SLC24A2: variants seen among roughly 807,000 people sequenced by gnomAD.
SLC24A2 encodes the protein sodium/potassium/calcium exchanger 2.
Under a neutral mutation model 62.0 loss-of-function variants are expected in SLC24A2, and 36 were observed. The observed-to-expected ratio is 0.58, with a 90% confidence interval of 0.44 to 0.77. SLC24A2 has a LOEUF of 0.77. SLC24A2 is among the 30% of genes least tolerant of loss of function. The pLI is 0.00. For missense variants in SLC24A2, 846 were observed against 817.9 expected (o/e 1.03, Z -0.42); for synonymous variants, 358 against 294.0 (o/e 1.22, Z -2.23).
chr9:20,005,108 AG>A, the SLC24A2 span, among the ~76,000 whole-genome samples: 1 of 152,324 alleles, frequency 6.6e-6, no homozygotes, highest in South Asian at 2.1e-4. Flanking sequence ...ATCCATAGAA[AG>A]GAGGGTGTCT....
At chr9:20,043,776 G>C in the SLC24A2 span, among the ~76,000 whole-genome samples, 5 of 152,322 alleles carry the variant, frequency 3.3e-5, no homozygotes, top group East Asian at 9.6e-4. Flanking sequence ...GATGCAATAT[G>C]CTTCTGATGA....
rs150104445 is a variant in SLC24A2 at position 19,756,988 on chromosome 9, T to C, written c.930+28949A>G. Among the ~76,000 whole-genome samples, 839 of 143,104 alleles carry C rather than the reference T, an allele frequency of 5.9e-3. 6 individuals carry two copies. Among genetic ancestry groups the C allele is most frequent in the African/African-American group, 0.019 (742 of 39,256 alleles). 93.9% of individuals were successfully genotyped at this position (143,104 alleles called of 152,430 possible). On this transcript the variant is annotated intron_variant, in intron 2 of 10. Transcript: ENST00000341998. ...TAAGTGGCACCATCATTACTCACTGTAGCCTCAAACTCCTGGGCTCAGGCA... is the reference window on the plus strand; with the variant it reads ...TAAGTGGCACCATCATTACTCACTGCAGCCTCAAACTCCTGGGCTCAGGCA...
At chr9:20,086,023 C>T in the SLC24A2 span, among the ~76,000 whole-genome samples, 1 of 152,198 alleles carries the variant, frequency 6.6e-6, no homozygotes, top group South Asian at 2.1e-4. Context: ...GCAAATTGCA[C>T]ACTGCTTATC....
the SLC24A2 span, among the ~76,000 whole-genome samples, chr9:20,025,520 G>C: frequency 6.6e-6 from 1 of 152,022 alleles, no homozygotes; most frequent in East Asian, 1.9e-4. Flanking sequence ...CCTGCTCCCT[G>C]GTAGTAATAA....
chr9:20,007,036 G>A, the SLC24A2 span, among the ~76,000 whole-genome samples: 14 of 152,272 alleles, frequency 9.2e-5, no homozygotes, highest in African/African-American at 3.4e-4. Context: ...TACTGTGGGT[G>A]TTGCTTTCTC....
At chr9:19,998,187 G>A in the SLC24A2 span, among the ~76,000 whole-genome samples, 1 of 152,068 alleles carries the variant, frequency 6.6e-6, no homozygotes, top group African/African-American at 2.4e-5. Flanking sequence ...TTTAGAGATG[G>A]GAGATTGAGA....
chr9:20,074,636 A>AGGGG, the SLC24A2 span, among the ~76,000 whole-genome samples: 1 of 59,738 alleles, frequency 1.7e-5, no homozygotes. Flanking sequence ...GGAGGGAGGG[A>AGGGG]CGGGAAGGGG....
chr9:19,690,292 A>C (rs573703193), intron 2 of SLC24A2, among the ~76,000 whole-genome samples: 15 of 152,212 alleles, frequency 9.9e-5, no homozygotes, highest in African/African-American at 2.2e-4. Context: ...CGTTTGATTT[A>C]GTAGGGGATG....
At position 19,771,190 on chromosome 9, in the gene SLC24A2, G is replaced by A. The variant is rs116008820; in HGVS notation, c.930+14747C>T. On this transcript the variant is annotated intron_variant, in intron 2 of 10. Coordinates refer to ENST00000341998, the MANE Select transcript of SLC24A2 (RefSeq NM_020344.4). ...CTTGGGGCTTGTCTCCCAGGGAAACGGAGATAGAGTTGGATTAATTTTTAG... is the reference window on the plus strand; with the variant it reads ...CTTGGGGCTTGTCTCCCAGGGAAACAGAGATAGAGTTGGATTAATTTTTAG... Among the ~76,000 whole-genome samples the A allele has an allele frequency of 3.4e-3, 511 of 152,296 alleles. 1 individual carries two copies. The highest frequency in any genetic ancestry group is 0.011 in the African/African-American group (477 of 41,574).
chr9:19,635,231 A>G (rs1242484369), intron 2 of SLC24A2, among the ~76,000 whole-genome samples: 2 of 152,222 alleles, frequency 1.3e-5, no homozygotes, highest in Non-Finnish European at 2.9e-5. Context: ...CACTATTTTC[A>G]TTGTTGGAAT....
At chr9:19,668,442 G>A (rs1339665124) in intron 2 of SLC24A2, among the ~76,000 whole-genome samples, 5 of 152,096 alleles carry the variant, frequency 3.3e-5, no homozygotes, top group African/African-American at 9.7e-5. Flanking sequence ...TCCTCAAATC[G>A]CAAAACATTT....
At chr9:20,179,394 G>A in the SLC24A2 span, among the ~76,000 whole-genome samples, 1 of 152,214 alleles carries the variant, frequency 6.6e-6, no homozygotes, top group Non-Finnish European at 1.5e-5. Context: ...ATGTCCTGGT[G>A]TACGGACAGG....
the SLC24A2 span, among the ~76,000 whole-genome samples, chr9:20,036,892 G>C: frequency 7.1e-6 from 1 of 140,864 alleles, no homozygotes; most frequent in Non-Finnish European, 1.5e-5. Context: ...GTGTGTGTGC[G>C]TATATATATG....
intron 2 of SLC24A2, among the ~76,000 whole-genome samples, chr9:19,629,602 A>G (rs1818125372): frequency 6.6e-6 from 1 of 152,230 alleles, no homozygotes; most frequent in African/African-American, 2.4e-5. Flanking sequence ...AAAACTGCAA[A>G]TGAGTTGCTC....
the SLC24A2 span, among the ~76,000 whole-genome samples, chr9:20,184,147 C>G: frequency 1.3e-5 from 2 of 152,102 alleles, no homozygotes; most frequent in Non-Finnish European, 2.9e-5. Context: ...ATACAAATGG[C>G]CAACAGGTTC....
At chr9:19,628,321 A>G (rs1009373201) in intron 2 of SLC24A2, among the ~76,000 whole-genome samples, 11 of 152,194 alleles carry the variant, frequency 7.2e-5, no homozygotes, top group Non-Finnish European at 1.3e-4. Flanking sequence ...TACCTATTAA[A>G]TCAATTAAAG....
chr9:19,689,595 C>T (rs1027892131), intron 2 of SLC24A2, among the ~76,000 whole-genome samples: 6 of 152,212 alleles, frequency 3.9e-5, no homozygotes, highest in Non-Finnish European at 7.4e-5. Context: ...GGGGAAAGGG[C>T]TTGTCAGTGT....
chr9:19,985,118 A>G, the SLC24A2 span, among the ~76,000 whole-genome samples: 2 of 152,228 alleles, frequency 1.3e-5, no homozygotes, highest in Non-Finnish European at 2.9e-5. Flanking sequence ...AAAATCTTGT[A>G]CATAAACAAC....
the SLC24A2 span, among the ~76,000 whole-genome samples, chr9:20,071,583 T>A: frequency 6.6e-6 from 1 of 152,162 alleles, no homozygotes; most frequent in Non-Finnish European, 1.5e-5. Flanking sequence ...AAATGTTACA[T>A]TATATGGTGT....
Sources: gnomAD v4.1 joint callset for allele counts (sites outside exome capture counted in the v4.1 genomes callset) on GRCh38, gnomAD v4.1.1 for gene constraint, MANE v1.5 for transcripts, NCBI Gene and HGNC (gene_info 2026-07-23, HGNC 2026-07-21) for gene names.